MARK1: variants seen among roughly 807,000 people sequenced by gnomAD.
MARK1 encodes the protein serine/threonine-protein kinase MARK1.
MARK1 carries 40 observed loss-of-function variants against 96.3 expected under a neutral mutation model. The ratio of observed to expected loss-of-function variants is 0.42; its 90% CI spans 0.32 to 0.54. The LOEUF (loss-of-function observed/expected upper bound fraction) is 0.54, where lower values mean the gene tolerates loss of function less well. Ranked by LOEUF, MARK1 falls within the 20% of genes least tolerant of loss-of-function variation. The pLI, the probability that MARK1 is intolerant of heterozygous loss-of-function variation, is 0.16. For synonymous variants in MARK1, 317 were observed against 341.2 expected (o/e 0.93, Z 0.78); for missense variants, 719 against 984.6 (o/e 0.73, Z 3.61).
At chr1:220,578,531 G>A (rs1664024244) in intron 1 of MARK1, among the ~76,000 whole-genome samples, 1 of 152,230 alleles carries the variant, frequency 6.6e-6, no homozygotes, top group African/African-American at 2.4e-5. Context: ...GGGTGAGGGG[G>A]TTGGGCAGAA....
intron 3 of MARK1, among the ~76,000 whole-genome samples, chr1:220,590,722 A>T (rs182527294): frequency 1.3e-5 from 2 of 152,142 alleles, no homozygotes; most frequent in East Asian, 3.9e-4. Context: ...CATGTAAAAC[A>T]TCCTAATGTT....
intron 1 of MARK1, among the ~76,000 whole-genome samples, chr1:220,533,380 T>A (rs796498391): frequency 1.1e-3 from 171 of 151,880 alleles, no homozygotes; most frequent in African/African-American, 3.9e-3. Context: ...CTTTTTTTTT[T>A]ATAAAAATCC....
intron 1 of MARK1, among the ~76,000 whole-genome samples, chr1:220,538,941 T>C (rs1335063048): frequency 1.3e-5 from 2 of 150,988 alleles, no homozygotes; most frequent in Non-Finnish European, 3.0e-5. Flanking sequence ...TTTGCTGAAG[T>C]TGCTTATCAG....
At chr1:220,588,541 C>T (rs150369193) in intron 3 of MARK1, among the ~76,000 whole-genome samples, 2,014 of 152,250 alleles carry the variant, frequency 0.013, 29 homozygotes, top group South Asian at 0.03. Context: ...AGATCTCTTT[C>T]TGTGCTACGA....
At chr1:220,560,662 A>C (rs1016847010) in intron 1 of MARK1, among the ~76,000 whole-genome samples, 1 of 152,336 alleles carries the variant, frequency 6.6e-6, no homozygotes, top group South Asian at 2.1e-4. Context: ...CAAAGGCATG[A>C]TTCAGGTCCT....
chr1:220,579,683 A>G, intron 2 of MARK1, 126 bp downstream of exon 2: 1 of 698,346 alleles, frequency 1.4e-6, no homozygotes, highest in South Asian at 1.8e-5. Flanking sequence ...GGTGTGTGTG[A>G]ATGGAACATT....
chr1:220,635,816 T>G lies in MARK1; in HGVS notation c.1277-17T>G. 1 of 1,549,194 alleles carries G rather than the reference T, an allele frequency of 6.5e-7. No homozygotes were observed. The highest frequency in any genetic ancestry group is 8.7e-7 in the Non-Finnish European group (1 of 1,151,794). ...GTTGTTTTTCAGCTCATTATGCTAT[T>G]TTTAAAAAAATTATAGCTGGTCCAT... On this transcript the variant is annotated splice_polypyrimidine_tract_variant and intron_variant, in intron 12 of 17. Coordinates refer to ENST00000366917, the MANE Select transcript of MARK1 (RefSeq NM_018650.5).
intron 9 of MARK1, among the ~76,000 whole-genome samples, chr1:220,622,797 A>G (rs185136897): frequency 4.5e-3 from 683 of 152,258 alleles, no homozygotes; most frequent in Middle Eastern, 0.017. Flanking sequence ...AAGCACGAGG[A>G]TTGCTTGAGC....
chr1:220,601,499 C>G (rs1665748294), intron 5 of MARK1, among the ~76,000 whole-genome samples: 1 of 152,046 alleles, frequency 6.6e-6, no homozygotes, highest in Non-Finnish European at 1.5e-5. Context: ...TGAACTATTT[C>G]TCTATTTTTA....
chr1:220,609,129 A>T (rs1376872972), intron 6 of MARK1, among the ~76,000 whole-genome samples: 3 of 152,186 alleles, frequency 2.0e-5, no homozygotes, highest in Admixed American at 2.0e-4. Context: ...TGTCTCATTG[A>T]TCTGTCTAAT....
At chr1:220,597,296 T>C (rs933538325) in intron 3 of MARK1, among the ~76,000 whole-genome samples, 1 of 151,932 alleles carries the variant, frequency 6.6e-6, no homozygotes, top group African/African-American at 2.4e-5. Flanking sequence ...CTGCTATGTA[T>C]TTTTTTTCAT....
intron 9 of MARK1, among the ~76,000 whole-genome samples, chr1:220,621,975 C>T (rs1341413743): frequency 6.6e-6 from 1 of 152,112 alleles, no homozygotes; most frequent in African/African-American, 2.4e-5. Flanking sequence ...TTCTACTAGG[C>T]CTATAGTTTG....
At chr1:220,568,360 G>A (rs1246186667) in intron 1 of MARK1, among the ~76,000 whole-genome samples, 2 of 152,082 alleles carry the variant, frequency 1.3e-5, no homozygotes, top group African/African-American at 4.8e-5. Flanking sequence ...AATGTTCTAG[G>A]CAGAGGGTAC....
intron 5 of MARK1, among the ~76,000 whole-genome samples, chr1:220,602,592 T>TCTAGAATTAACTGCTATGATGGGTTAA (rs1665820545): frequency 6.6e-6 from 1 of 152,116 alleles, no homozygotes; most frequent in East Asian, 1.9e-4. Context: ...AACTCAGATA[T>TCTAGAATTAACTGCTATGATGGGTTAA]CTAGAATTAA....
intron 9 of MARK1, among the ~76,000 whole-genome samples, chr1:220,619,461 G>A (rs971891385): frequency 3.3e-5 from 5 of 152,070 alleles, no homozygotes; most frequent in African/African-American, 7.2e-5. Flanking sequence ...GCGACAGAGC[G>A]AGACTCTATC....
intron 6 of MARK1, among the ~76,000 whole-genome samples, chr1:220,612,147 T>C (rs1426046519): frequency 6.6e-6 from 1 of 152,260 alleles, no homozygotes; most frequent in Non-Finnish European, 1.5e-5. Context: ...AATCCTAATG[T>C]ATATTTTAAA....
intron 3 of MARK1, among the ~76,000 whole-genome samples, chr1:220,591,985 C>G (rs1397975555): frequency 6.6e-6 from 1 of 151,880 alleles, no homozygotes; most frequent in East Asian, 1.9e-4. Context: ...CAGCTTTTAT[C>G]TAGTATTTCC....
chr1:220,541,414 C>G (rs1661138597), intron 1 of MARK1, among the ~76,000 whole-genome samples: 1 of 152,150 alleles, frequency 6.6e-6, no homozygotes, highest in South Asian at 2.1e-4. Context: ...CTCTGTATGT[C>G]TACGTGTCCG....
chr1:220,532,919 A>G (rs953507032), intron 1 of MARK1, among the ~76,000 whole-genome samples: 10 of 151,870 alleles, frequency 6.6e-5, no homozygotes, highest in Non-Finnish European at 1.5e-4. Flanking sequence ...CTGAGGTGGG[A>G]GGGTTGCTTG....
Sources: gnomAD v4.1 joint callset for allele counts (sites outside exome capture counted in the v4.1 genomes callset) on GRCh38, gnomAD v4.1.1 for gene constraint, MANE v1.5 for transcripts, NCBI Gene and HGNC (gene_info 2026-07-23, HGNC 2026-07-21) for gene names.